Variants in EFCAB13 observed in about 807,000 individuals in gnomAD.
EFCAB13 encodes the protein EF-hand calcium binding domain 13, also known as EF-hand calcium-binding domain-containing protein 13.
Under a neutral mutation model 110.2 loss-of-function variants are expected in EFCAB13, and 91 were observed. That is an observed-to-expected ratio of 0.83 (90% CI 0.70 to 0.98). The LOEUF is 0.98. Ranked by LOEUF, EFCAB13 falls within the 50% of genes least tolerant of loss-of-function variation. The pLI is 0.00. For missense variants in EFCAB13, 968 were observed against 1,119.4 expected, an observed-to-expected ratio of 0.86 and a Z score of 1.93; for synonymous variants, 323 against 369.9, an observed-to-expected ratio of 0.87 and a Z score of 1.45.
At chr17:47,324,678 C>T (rs901902378) in intron 2 of EFCAB13, among the ~76,000 whole-genome samples, 155 bp downstream of exon 2, 2 of 151,922 alleles carry the variant, frequency 1.3e-5, no homozygotes, top group African/African-American at 2.4e-5. Context: ...GCGAGTCGGG[C>T]GGCTTGTGAG....
chr17:47,342,042 G>T lies in EFCAB13; in HGVS notation c.303+10G>T, dbSNP rs779679424. The T allele has an allele frequency of 5.4e-6, 8 of 1,494,002 alleles. No homozygotes were observed. The highest frequency in any genetic ancestry group is 6.4e-6 in the Non-Finnish European group (7 of 1,098,078). 92.5% of individuals were successfully genotyped at this position (1,494,002 alleles called of 1,614,324 possible). On this transcript the variant is annotated intron_variant, in intron 6 of 24. Coordinates refer to ENST00000331493, the MANE Select transcript of EFCAB13 (RefSeq NM_152347.5). ...CAGTAAAAGAACTGAGGTAAATAAA[G>T]ATTTGGAAATTTTTCTTTTACCTTC...
chr17:47,421,158 T>C (rs1904690225), intron 23 of EFCAB13, among the ~76,000 whole-genome samples: 1 of 151,752 alleles, frequency 6.6e-6, no homozygotes, highest in Non-Finnish European at 1.5e-5. Flanking sequence ...CAACAGCTCA[T>C]TGAGAACGGG....
chr17:47,399,814 A>C (rs1033567455), intron 17 of EFCAB13, among the ~76,000 whole-genome samples: 2 of 152,190 alleles, frequency 1.3e-5, no homozygotes, highest in African/African-American at 4.8e-5. Flanking sequence ...TAGAAAAGGT[A>C]ATTTATCATT....
chr17:47,374,943 A>G lies in EFCAB13; in HGVS notation c.1349A>G (p.Glu450Gly), dbSNP rs761050038. 57 of 1,580,562 alleles carry G rather than the reference A, an allele frequency of 3.6e-5. No individual in the cohort carries two copies. The highest frequency in any genetic ancestry group is 4.9e-5 in the Non-Finnish European group (57 of 1,169,500). The change falls in exon 12 of 25, where the codon GAA (glutamate) becomes GGA (glycine). Residue 450 changes from glutamate to glycine, a missense_variant. Coordinates refer to ENST00000331493, the MANE Select transcript of EFCAB13 (RefSeq NM_152347.5). ...CTCCAAAAACAGGTTTCGTCTACGG[A>G]AAAAACTGCAATTAGTACTCTGGGT... ...SSLQKQVSST[E>G]KTAISTLENF...
chr17:47,339,699 CAAAA>C (rs60578114), intron 5 of EFCAB13, among the ~76,000 whole-genome samples: 1 of 77,356 alleles, frequency 1.3e-5, no homozygotes, highest in Non-Finnish European at 2.7e-5. Context: ...GACTCCATCT[CAAAA>C]AAAAAAAAAA....
rs1197106081 is a variant in EFCAB13, at chr17:47,333,904, T to C, written c.31-1292T>C. 3.9e-5 allele frequency among the ~76,000 whole-genome samples: 6 copies of C among 152,354 alleles called. No individual in the cohort carries two copies. The East Asian group carries it at 9.6e-4, about 24-fold the overall frequency. On this transcript the variant is annotated intron_variant, in intron 4 of 24. Coordinates refer to ENST00000331493, the MANE Select transcript of EFCAB13 (RefSeq NM_152347.5). ...CCAACTTTGTTCTTTTTGCTTAAGA[T>C]TGCTTTGGCTATATGGGGTGTTTAC...
chr17:47,325,959 T>TC (rs1311718773), intron 2 of EFCAB13, among the ~76,000 whole-genome samples: 3 of 135,050 alleles, frequency 2.2e-5, no homozygotes, highest in Non-Finnish European at 4.7e-5. Flanking sequence ...TATATATATA[T>TC]ATAGCATATA....
chr17:47,429,745 CTAT>C, intron 23 of EFCAB13, 70 bp from the exon 24 acceptor site: 1 of 1,452,464 alleles, frequency 6.9e-7, no homozygotes, highest in Non-Finnish European at 9.2e-7. Context: ...CAACCTGAGG[CTAT>C]TAAGTGATAA....
At position 47,436,568 on chromosome 17, in the gene EFCAB13, A is replaced by G. The variant is rs1176421578; in HGVS notation, c.2639-3863A>G. Among the ~76,000 whole-genome samples, 3 of 152,226 alleles carry G rather than the reference A, an allele frequency of 2.0e-5. No homozygotes were observed. In the East Asian group the frequency reaches 5.8e-4, roughly 29 times the overall value. ...CTGATTTATGTGCGCAAGGGTGTTC[A>G]TAGTAGCCCTGAATGATCTTTTGTA... On this transcript the variant is annotated intron_variant, in intron 24 of 24. Coordinates refer to ENST00000331493, the MANE Select transcript of EFCAB13 (RefSeq NM_152347.5).
At chr17:47,426,690 GAAAA>G (rs1904973577) in intron 23 of EFCAB13, among the ~76,000 whole-genome samples, 1 of 151,684 alleles carries the variant, frequency 6.6e-6, no homozygotes, top group Admixed American at 6.6e-5. Flanking sequence ...CTTTTATACA[GAAAA>G]AAAGAAAAAA....
chr17:47,366,151 T>C (rs2065544581), intron 10 of EFCAB13, among the ~76,000 whole-genome samples: 1 of 152,134 alleles, frequency 6.6e-6, no homozygotes, highest in Non-Finnish European at 1.5e-5. Context: ...TTATAGATGT[T>C]TGCAATGAGG....
At chr17:47,343,134 T>A (rs1268659105) in intron 6 of EFCAB13, among the ~76,000 whole-genome samples, 1 of 152,162 alleles carries the variant, frequency 6.6e-6, no homozygotes, top group East Asian at 1.9e-4. Context: ...GGGTGTTATA[T>A]ATATTTTGTA....
intron 23 of EFCAB13, 106 bp from the exon 24 acceptor site, chr17:47,429,712 G>T (rs1012983081): frequency 8.2e-6 from 11 of 1,345,792 alleles, no homozygotes; most frequent in Non-Finnish European, 1.1e-5. Flanking sequence ...TACAATTCTA[G>T]AATCAGATCT....
chr17:47,349,932 G>A (rs371967969), intron 9 of EFCAB13, among the ~76,000 whole-genome samples: 1,546 of 151,302 alleles, frequency 0.01, 68 homozygotes, highest in East Asian at 0.1. Flanking sequence ...CCGCCACCGC[G>A]CCTGGCTAAT....
chr17:47,396,822 T>C (rs1040869523), intron 17 of EFCAB13, among the ~76,000 whole-genome samples: 3 of 152,216 alleles, frequency 2.0e-5, no homozygotes, highest in Non-Finnish European at 4.4e-5. Flanking sequence ...AAAGGGTTGA[T>C]GAAAAATAGA....
At chr17:47,430,867 TTTA>T (rs1160780357) in intron 24 of EFCAB13, among the ~76,000 whole-genome samples, 2 of 152,146 alleles carry the variant, frequency 1.3e-5, no homozygotes, top group African/African-American at 4.8e-5. Context: ...TTATTTCCTC[TTTA>T]TTATTTTTGC....
chr17:47,337,092 G>A, intron 5 of EFCAB13, among the ~76,000 whole-genome samples: 1 of 152,168 alleles, frequency 6.6e-6, no homozygotes, highest in South Asian at 2.1e-4. Context: ...CTGTTTGTTA[G>A]ATGGCAAAAG....
Position 47,391,579 on chromosome 17 carries a change from T to G in EFCAB13, c.1725T>G (p.Gly575=). ...FKKITELTEA[G]ETKKVNFKEF... Reference sequence around the variant, plus strand: ...AGATCACAGAACTGACTGAAGCTGGTGGTGAGTGATATATTTTCAGGCAAA... The same window carrying G: ...AGATCACAGAACTGACTGAAGCTGGGGGTGAGTGATATATTTTCAGGCAAA... The change falls in exon 15 of 25, where the codon GGT becomes GGG. Residue 575 remains glycine, a splice_region_variant and synonymous_variant. Coordinates refer to ENST00000331493, the MANE Select transcript of EFCAB13 (RefSeq NM_152347.5). The G allele has an allele frequency of 1.0e-5, 16 of 1,565,464 alleles. No homozygotes were observed. The highest frequency in any genetic ancestry group is 1.4e-5 in the Non-Finnish European group (16 of 1,161,942).
At chr17:47,338,953 A>G (rs2065367886) in intron 5 of EFCAB13, among the ~76,000 whole-genome samples, 1 of 152,168 alleles carries the variant, frequency 6.6e-6, no homozygotes, top group African/African-American at 2.4e-5. Flanking sequence ...TTAAAAATAA[A>G]TTTAAGAAAC....
Sources: gnomAD v4.1 joint callset for allele counts (sites outside exome capture counted in the v4.1 genomes callset) on GRCh38, gnomAD v4.1.1 for gene constraint, MANE v1.5 for transcripts, NCBI Gene and HGNC (gene_info 2026-07-23, HGNC 2026-07-21) for gene names.